Variants in DBF4 observed in about 807,000 individuals in gnomAD.
DBF4 encodes the protein protein DBF4 homolog A.
Under a neutral mutation model 76.6 loss-of-function variants are expected in DBF4, and 25 were observed. That is an observed-to-expected ratio of 0.33 (90% CI 0.24 to 0.46). The LOEUF (loss-of-function observed/expected upper bound fraction) is 0.46, where lower values mean the gene tolerates loss of function less well. DBF4 is among the 20% of genes least tolerant of loss of function. DBF4 has a pLI of 1.00. For synonymous variants in DBF4, 213 were observed against 258.0 expected, an observed-to-expected ratio of 0.83 and a Z score of 1.67; for missense variants, 638 against 760.8, an observed-to-expected ratio of 0.84 and a Z score of 1.90.
At chr7:87,904,653 A>G (rs927869213) in intron 11 of DBF4, among the ~76,000 whole-genome samples, 3 of 152,164 alleles carry the variant, frequency 2.0e-5, no homozygotes, top group African/African-American at 7.2e-5. Flanking sequence ...GAGGCAGAAG[A>G]ATCACTTGAA....
chr7:87,880,334 A>G (rs1381552879), intron 2 of DBF4, among the ~76,000 whole-genome samples: 3 of 152,204 alleles, frequency 2.0e-5, no homozygotes, highest in Non-Finnish European at 4.4e-5. Context: ...CCCTGAAATG[A>G]TTGAAGTAGA....
intron 10 of DBF4, among the ~76,000 whole-genome samples, chr7:87,903,133 A>T (rs2131074950): frequency 6.6e-6 from 1 of 152,266 alleles, no homozygotes; most frequent in South Asian, 2.1e-4. Flanking sequence ...CCCAGGCTGG[A>T]GTGCAGTGGT....
intron 2 of DBF4, chr7:87,878,694 A>G (rs942357581): frequency 6.5e-6 from 1 of 152,752 alleles, no homozygotes; most frequent in Non-Finnish European, 1.5e-5. Flanking sequence ...AGAAATTTGC[A>G]TTAAGAATCT....
chr7:87,900,475 T>C (rs748455417), intron 9 of DBF4, 126 bp downstream of exon 9: 2 of 1,152,764 alleles, frequency 1.7e-6, no homozygotes, highest in Non-Finnish European at 2.4e-6. Flanking sequence ...CTATTCTGAT[T>C]ACTTTTATAA....
intron 2 of DBF4, among the ~76,000 whole-genome samples, chr7:87,880,066 A>G (rs77263497): frequency 0.049 from 7,461 of 152,074 alleles, 276 homozygotes; most frequent in East Asian, 0.094. Context: ...AATCAGTGAT[A>G]CTTAGATTTG....
intron 2 of DBF4, among the ~76,000 whole-genome samples, chr7:87,882,424 G>C (rs1310794732): frequency 6.6e-6 from 1 of 152,146 alleles, no homozygotes; most frequent in African/African-American, 2.4e-5. Context: ...TGATTTCTTG[G>C]ATATGATACC....
chr7:87,881,530 G>A (rs1297549014), intron 2 of DBF4, among the ~76,000 whole-genome samples: 1 of 152,226 alleles, frequency 6.6e-6, no homozygotes, highest in Non-Finnish European at 1.5e-5. Context: ...TCAAGAGAAA[G>A]GAGAGATTAG....
chr7:87,908,409 C>T lies in DBF4; in HGVS notation c.*246C>T, dbSNP rs1297312765. 1 of 275,144 alleles carries T rather than the reference C, an allele frequency of 3.6e-6. No individual in the cohort carries two copies. Among genetic ancestry groups the T allele is most frequent in the Admixed American group, 5.2e-5 (1 of 19,404 alleles). 17.0% of individuals were successfully genotyped at this position (275,144 alleles called of 1,614,324 possible). A position where few individuals can be genotyped will look rare whatever the true frequency, so the allele number is the denominator to read the frequency against. ...GTTCGTAATTGTTTCCTGAGAATTA[C>T]AATGAATAATAATTTGCTTTGTCAC... is the stretch of plus-strand genomic sequence containing the variant. On this transcript the variant is annotated 3_prime_UTR_variant, in exon 12 of 12. Transcript: ENST00000265728.
chr7:87,881,120 A>G (rs1839202875), intron 2 of DBF4, among the ~76,000 whole-genome samples: 1 of 152,188 alleles, frequency 6.6e-6, no homozygotes, highest in African/African-American at 2.4e-5. Context: ...TTCAAAAATG[A>G]ATCCAGCCAG....
At chr7:87,895,295 T>C (rs1839607114) in intron 6 of DBF4, among the ~76,000 whole-genome samples, 1 of 152,212 alleles carries the variant, frequency 6.6e-6, no homozygotes. Context: ...ACCTTTACTT[T>C]TAAAGTCTTT....
intron 2 of DBF4, among the ~76,000 whole-genome samples, chr7:87,879,630 G>A (rs1393494790): frequency 6.6e-6 from 1 of 152,134 alleles, no homozygotes; most frequent in Non-Finnish European, 1.5e-5. Context: ...CATAGTACCT[G>A]CACCATTCTG....
chr7:87,883,771 C>T (rs1473737058), intron 2 of DBF4, among the ~76,000 whole-genome samples: 1 of 152,044 alleles, frequency 6.6e-6, no homozygotes, highest in Non-Finnish European at 1.5e-5. Context: ...AGTGTGGGAT[C>T]CTATAGAAAA....
intron 6 of DBF4, among the ~76,000 whole-genome samples, chr7:87,894,878 C>G (rs1839594592): frequency 6.6e-6 from 1 of 152,118 alleles, no homozygotes; most frequent in Non-Finnish European, 1.5e-5. Flanking sequence ...TGTGCCTACA[C>G]TTGGTTCACT....
chr7:87,907,765 C>G lies in DBF4; in HGVS notation c.1627C>G (p.Leu543Val). The G allele has an allele frequency of 6.2e-7, 1 of 1,614,046 alleles. No homozygotes were observed. Among genetic ancestry groups the G allele is most frequent in the South Asian group, 1.1e-5 (1 of 91,082 alleles). ...LITINSSQEH[L>V]TVQAKAPFHT... ...AACAATAAACAGTTCACAAGAGCAC[C>G]TAACTGTTCAGGCAAAGGCTCCATT... Residue 543 changes from leucine to valine, a missense_variant, in exon 12 of 12, where the codon CTA becomes GTA. Physicochemically the swap from Leu to Val is conservative, Grantham distance 32 (BLOSUM62 1). Coordinates refer to ENST00000265728, the MANE Select transcript of DBF4 (RefSeq NM_006716.4).
chr7:87,879,827 C>A (rs1161741358), intron 2 of DBF4, among the ~76,000 whole-genome samples: 1 of 152,052 alleles, frequency 6.6e-6, no homozygotes, highest in Non-Finnish European at 1.5e-5. Context: ...GTGGTGCATG[C>A]CTGTAGTCCC....
At chr7:87,882,624 A>G (rs542251525) in intron 2 of DBF4, among the ~76,000 whole-genome samples, 2 of 152,338 alleles carry the variant, frequency 1.3e-5, no homozygotes, top group Admixed American at 6.5e-5. Context: ...CCAAGAACAA[A>G]AGGACAAATG....
intron 8 of DBF4, among the ~76,000 whole-genome samples, chr7:87,899,513 A>G (rs966674238): frequency 5.9e-5 from 9 of 152,242 alleles, no homozygotes; most frequent in African/African-American, 2.2e-4. Flanking sequence ...AAGATGCTCA[A>G]CATTACTAAT....
chr7:87,901,999 AT>A lies in DBF4; in HGVS notation c.924+1123del, dbSNP rs144756832. Among the ~76,000 whole-genome samples, 265 of 152,306 alleles carry A rather than the reference AT, an allele frequency of 1.7e-3. 9 individuals are homozygous for A. In the East Asian group the frequency reaches 0.048, roughly 28 times the overall value. On this transcript the variant is annotated intron_variant, in intron 10 of 11. Transcript: ENST00000265728. ...TTATGTAATAAACAAGAAAACTATG[AT>A]TAGTCTAAAATTGCTTTTAATCAGA...
At chr7:87,878,028 A>G in intron 1 of DBF4, 25 bp from the exon 2 acceptor site, 1 of 1,532,138 alleles carries the variant, frequency 6.5e-7, no homozygotes, top group South Asian at 1.2e-5. Flanking sequence ...TGTGTAAAAC[A>G]TCTGATTCTA....
Sources: allele counts gnomAD v4.1 joint callset (sites outside exome capture counted in the v4.1 genomes callset), GRCh38; gene constraint gnomAD v4.1.1; transcripts MANE v1.5; gene names NCBI Gene and HGNC (gene_info 2026-07-23, HGNC 2026-07-21).